Variants in CHCHD6 observed in about 807,000 individuals in gnomAD.
CHCHD6 encodes coiled-coil-helix-coiled-coil-helix domain containing 6.
A neutral mutation model predicts 32.3 loss-of-function variants in CHCHD6; 28 were observed. That is an observed-to-expected ratio of 0.87 (90% CI 0.64 to 1.19). The LOEUF (loss-of-function observed/expected upper bound fraction) is 1.19, where lower values mean the gene tolerates loss of function less well. Among genes scored for constraint, CHCHD6 ranks in the 50% most tolerant of loss-of-function variants. CHCHD6 has a pLI of 0.00. For synonymous variants in CHCHD6, 122 were observed against 117.5 expected, an observed-to-expected ratio of 1.04 and a Z score of -0.25; for missense variants, 333 against 307.0, an observed-to-expected ratio of 1.08 and a Z score of -0.63.
At chr3:126,859,052 G>A (rs1941764609) in intron 5 of CHCHD6, among the ~76,000 whole-genome samples, 1 of 152,262 alleles carries the variant, frequency 6.6e-6, no homozygotes, top group Admixed American at 6.5e-5. Context: ...AGTCCTTGCT[G>A]GTCTGATTCA....
At chr3:126,710,479 C>G (rs574908820) in intron 1 of CHCHD6, among the ~76,000 whole-genome samples, 1 of 152,284 alleles carries the variant, frequency 6.6e-6, no homozygotes, top group South Asian at 2.1e-4. Context: ...AAGAAGCTGA[C>G]AGGGATTTTG....
At chr3:126,803,661 C>G (rs546182407) in intron 4 of CHCHD6, among the ~76,000 whole-genome samples, 62 of 152,190 alleles carry the variant, frequency 4.1e-4, no homozygotes, top group Non-Finnish European at 8.2e-4. Flanking sequence ...ATCAACGAGA[C>G]AGAAAGTTAA....
rs149462951 is a variant in CHCHD6 at position 126,890,385 on chromosome 3, G to A, written c.496-24295G>A. 2.4e-4 allele frequency among the ~76,000 whole-genome samples: 36 copies of A among 152,240 alleles called. No individual in the cohort carries two copies. The East Asian group carries it at 5.8e-3, about 25-fold the overall frequency. On this transcript the variant is annotated intron_variant, in intron 5 of 7. Coordinates refer to ENST00000290913, the MANE Select transcript of CHCHD6 (RefSeq NM_032343.3). Reference sequence around the variant, plus strand: ...AGGCACACAAGGTCCCTTGGTTTTCGCTTGGTGTGGGAGGGTAGTATTGGG... The same window carrying A: ...AGGCACACAAGGTCCCTTGGTTTTCACTTGGTGTGGGAGGGTAGTATTGGG...
chr3:126,865,895 A>T (rs994831836), intron 5 of CHCHD6, among the ~76,000 whole-genome samples: 3 of 152,204 alleles, frequency 2.0e-5, no homozygotes, highest in African/African-American at 4.8e-5. Context: ...GGGCCTTGCA[A>T]CCAGGCTTCT....
rs903074396 is a variant in CHCHD6, at chr3:126,960,287, C to T, written c.*86C>T. Reference sequence around the variant, plus strand: ...TGGGACCACAGCCACTGTGCCCTGCCGTTTCCTGCTGGGCCCCTGCATATG... The same window carrying T: ...TGGGACCACAGCCACTGTGCCCTGCTGTTTCCTGCTGGGCCCCTGCATATG... On this transcript the variant is annotated 3_prime_UTR_variant, in exon 8 of 8. Transcript: ENST00000290913. The T allele has an allele frequency of 1.9e-5, 28 of 1,493,904 alleles. No homozygotes were observed. Among genetic ancestry groups the T allele is most frequent in the Non-Finnish European group, 2.2e-5 (24 of 1,097,520 alleles). 92.5% of individuals were successfully genotyped at this position (1,493,904 alleles called of 1,614,324 possible). A position where few individuals can be genotyped will look rare whatever the true frequency, so the allele number is the denominator to read the frequency against.
chr3:126,716,845 G>A (rs1372090351), intron 1 of CHCHD6, among the ~76,000 whole-genome samples: 2 of 152,096 alleles, frequency 1.3e-5, no homozygotes, highest in Non-Finnish European at 2.9e-5. Flanking sequence ...CCAGACAGGG[G>A]AGTCGGGGAA....
At chr3:126,754,329 G>C (rs1332988482) in intron 4 of CHCHD6, among the ~76,000 whole-genome samples, 1 of 152,186 alleles carries the variant, frequency 6.6e-6, no homozygotes, top group African/African-American at 2.4e-5. Flanking sequence ...CTAGCTCAGT[G>C]CTTCACCTGC....
intron 6 of CHCHD6, chr3:126,953,095 C>T (rs754889186): frequency 2.4e-5 from 24 of 985,458 alleles, no homozygotes; most frequent in Non-Finnish European, 2.9e-5. Flanking sequence ...TCCTGCCATC[C>T]TCTCAACAGC....
At chr3:126,719,375 C>T (rs557938292) in intron 1 of CHCHD6, among the ~76,000 whole-genome samples, 5 of 152,210 alleles carry the variant, frequency 3.3e-5, no homozygotes, top group African/African-American at 7.2e-5. Flanking sequence ...CTAGTGCATG[C>T]GGCTTCTTGC....
rs1028766090 is a variant in CHCHD6 at position 126,846,159 on chromosome 3, A to G, written c.412-6488A>G. ...TCCTTCAAAGCCCCATTCCCAGAAAAATGTCATTATTTTTCCTGTCTGGTG... is the reference window on the plus strand; with the variant it reads ...TCCTTCAAAGCCCCATTCCCAGAAAGATGTCATTATTTTTCCTGTCTGGTG... On this transcript the variant is annotated intron_variant, in intron 4 of 7. Transcript: ENST00000290913. Among the ~76,000 whole-genome samples the G allele has an allele frequency of 2.0e-5, 3 of 152,168 alleles. No homozygotes were observed. In the East Asian group the frequency reaches 5.8e-4, roughly 29 times the overall value.
intron 6 of CHCHD6, among the ~76,000 whole-genome samples, chr3:126,934,762 G>T (rs537980798): frequency 6.6e-6 from 1 of 152,020 alleles, no homozygotes; most frequent in East Asian, 1.9e-4. Context: ...TGTTAGCCAG[G>T]ATGGTCTCGA....
At chr3:126,863,534 C>A (rs1462961531) in intron 5 of CHCHD6, among the ~76,000 whole-genome samples, 1 of 137,440 alleles carries the variant, frequency 7.3e-6, no homozygotes, top group African/African-American at 2.9e-5. Flanking sequence ...ATCACCACCT[C>A]CTCCTCCTCC....
chr3:126,881,116 A>G (rs1338505060), intron 5 of CHCHD6, among the ~76,000 whole-genome samples: 2 of 152,262 alleles, frequency 1.3e-5, no homozygotes, highest in African/African-American at 2.4e-5. Context: ...CTCAAAAGAA[A>G]GTTAATGGCT....
At chr3:126,750,638 G>A (rs1241225045) in intron 4 of CHCHD6, among the ~76,000 whole-genome samples, 2 of 152,230 alleles carry the variant, frequency 1.3e-5, no homozygotes, top group African/African-American at 4.8e-5. Context: ...AGTCTTGAGT[G>A]CCTGGATACC....
rs1184731820 is a variant in CHCHD6, at chr3:126,857,541, T to C, written c.495+4811T>C. ...TGATCCCGAGAGCCCTGCTGTTTTCTCACTGACACCGCTCAACAGACGTCC... is the reference window on the plus strand; with the variant it reads ...TGATCCCGAGAGCCCTGCTGTTTTCCCACTGACACCGCTCAACAGACGTCC... On this transcript the variant is annotated intron_variant, in intron 5 of 7. Transcript: ENST00000290913. Among the ~76,000 whole-genome samples the C allele has an allele frequency of 2.6e-5, 4 of 152,180 alleles. No homozygotes were observed. In the South Asian group the frequency reaches 8.3e-4, roughly 32 times the overall value.
At chr3:126,707,694 G>C (rs1407279595) in intron 1 of CHCHD6, among the ~76,000 whole-genome samples, 1 of 152,150 alleles carries the variant, frequency 6.6e-6, no homozygotes, top group East Asian at 1.9e-4. Flanking sequence ...ATCCCCTCCA[G>C]GCTTGATCAA....
intron 5 of CHCHD6, among the ~76,000 whole-genome samples, chr3:126,858,711 A>G (rs903909315): frequency 7.2e-5 from 11 of 152,202 alleles, no homozygotes; most frequent in African/African-American, 2.7e-4. Flanking sequence ...CTGTTAGCCC[A>G]CATCTGTTTG....
At chr3:126,757,907 G>T (rs1284932801) in intron 4 of CHCHD6, among the ~76,000 whole-genome samples, 1 of 152,148 alleles carries the variant, frequency 6.6e-6, no homozygotes, top group Non-Finnish European at 1.5e-5. Context: ...GAAGAAACTG[G>T]TATGGTATAA....
At chr3:126,957,672 GTCT>G (rs1327947065) in intron 7 of CHCHD6, 121 bp downstream of exon 7, 3 of 1,227,086 alleles carry the variant, frequency 2.4e-6, no homozygotes, top group Non-Finnish European at 3.5e-6. Flanking sequence ...CCACTTGGAG[GTCT>G]CTGCATTTGC....
Sources: gnomAD v4.1 joint callset for allele counts (sites outside exome capture counted in the v4.1 genomes callset) on GRCh38, gnomAD v4.1.1 for gene constraint, MANE v1.5 for transcripts, NCBI Gene and HGNC (gene_info 2026-07-23, HGNC 2026-07-21) for gene names.